VPS13A: variants seen among roughly 807,000 people sequenced by gnomAD.
The protein encoded by VPS13A is vacuolar protein sorting 13 homolog A, also known as intermembrane lipid transfer protein VPS13A.
VPS13A carries 264 observed loss-of-function variants against 390.9 expected under a neutral mutation model. The ratio of observed to expected loss-of-function variants is 0.68; its 90% confidence interval spans 0.61 to 0.75. The LOEUF is 0.75. VPS13A is among the 30% of genes least tolerant of loss of function. VPS13A has a pLI of 0.00. For synonymous variants in VPS13A, 1,231 were observed against 1,227.1 expected (o/e 1.00, Z -0.07); for missense variants, 3,409 against 3,733.9 (o/e 0.91, Z 2.27).
intron 71 of VPS13A, among the ~76,000 whole-genome samples, chr9:77,415,510 T>C (rs1261706557): frequency 6.6e-6 from 1 of 152,222 alleles, no homozygotes; most frequent in Non-Finnish European, 1.5e-5. Context: ...AATTTCAAAT[T>C]ATTTTAGAAT....
intron 68 of VPS13A, among the ~76,000 whole-genome samples, chr9:77,391,189 G>T (rs1377076748): frequency 2.0e-5 from 3 of 152,146 alleles, no homozygotes; most frequent in African/African-American, 7.2e-5. Flanking sequence ...GCTCTACCTA[G>T]TAACTTTCCC....
At chr9:77,212,633 A>G (rs894385312) in intron 7 of VPS13A, among the ~76,000 whole-genome samples, 3 of 152,094 alleles carry the variant, frequency 2.0e-5, no homozygotes, top group African/African-American at 4.8e-5. Flanking sequence ...ACTGCACCCA[A>G]TGATACCTGC....
At chr9:77,329,014 CACTT>C (rs1158179932) in intron 45 of VPS13A, among the ~76,000 whole-genome samples, 2 of 152,182 alleles carry the variant, frequency 1.3e-5, no homozygotes, top group Non-Finnish European at 2.9e-5. Flanking sequence ...AACTACCACA[CACTT>C]ACAAGACCAT....
At chr9:77,282,636 A>AT (rs1827107139) in intron 29 of VPS13A, among the ~76,000 whole-genome samples, 1 of 152,162 alleles carries the variant, frequency 6.6e-6, no homozygotes, top group African/African-American at 2.4e-5. Flanking sequence ...GACTAACAAA[A>AT]TTTGAGTATT....
intron 34 of VPS13A, among the ~76,000 whole-genome samples, chr9:77,306,585 T>C (rs1308195586): frequency 1.3e-5 from 2 of 152,040 alleles, no homozygotes; most frequent in African/African-American, 4.8e-5. Flanking sequence ...GGAGCTCGAG[T>C]CTGAAGGCAG....
At position 77,177,791 on chromosome 9, in the gene VPS13A, G is replaced by A. The variant is rs1313756329; in HGVS notation, c.87G>A (p.Leu29=). The change falls in exon 1 of 72, where the codon CTG becomes CTA. Residue 29 remains leucine (L), a synonymous_variant. Coordinates refer to ENST00000360280, the MANE Select transcript of VPS13A (RefSeq NM_033305.3). ...ACTTGGACACGTCCCAGCTCTCTCT[G>A]GGCATCTGGAAAGGTAAGGAGGCCG... ...VVDLDTSQLS[L]GIWKGAVALK... 6.2e-7 allele frequency: 1 copy of A among 1,613,152 alleles called. No individual in the cohort carries two copies. The highest frequency in any genetic ancestry group is 1.7e-5 in the Admixed American group (1 of 59,962).
chr9:77,376,319 A>T (rs1269859248), intron 67 of VPS13A, among the ~76,000 whole-genome samples: 2 of 152,186 alleles, frequency 1.3e-5, no homozygotes, highest in East Asian at 3.9e-4. Flanking sequence ...GCTTTTGCTT[A>T]AGATGAGAGG....
At chr9:77,294,580 CT>C (rs922186769) in intron 32 of VPS13A, among the ~76,000 whole-genome samples, 6 of 152,180 alleles carry the variant, frequency 3.9e-5, no homozygotes, top group Admixed American at 3.3e-4. Flanking sequence ...GTGGAGCCCT[CT>C]TTTGTTATTT....
chr9:77,392,151 A>G (rs1367310363), intron 68 of VPS13A, among the ~76,000 whole-genome samples: 1 of 152,220 alleles, frequency 6.6e-6, no homozygotes, highest in Non-Finnish European at 1.5e-5. Context: ...AATCAGAGAC[A>G]CCTAAAATAT....
intron 37 of VPS13A, 43 bp downstream of exon 37, chr9:77,314,707 G>C (rs761031197): frequency 1.3e-6 from 2 of 1,579,580 alleles, no homozygotes; most frequent in Non-Finnish European, 1.7e-6. Context: ...TTGAGAAATC[G>C]TTGATATATT....
At chr9:77,216,006 T>C (rs1307538774) in intron 10 of VPS13A, among the ~76,000 whole-genome samples, 2 of 152,172 alleles carry the variant, frequency 1.3e-5, no homozygotes, top group Non-Finnish European at 2.9e-5. Context: ...AACCAGACAC[T>C]GCAGAAGCTA....
chr9:77,322,954 T>G, intron 44 of VPS13A, 113 bp from the exon 45 acceptor site: 1 of 832,882 alleles, frequency 1.2e-6, no homozygotes, highest in East Asian at 2.7e-5. Context: ...AAGACTCTAG[T>G]GACTATTATT....
At chr9:77,409,144 C>A (rs995873755) in intron 71 of VPS13A, among the ~76,000 whole-genome samples, 2 of 152,256 alleles carry the variant, frequency 1.3e-5, no homozygotes. Flanking sequence ...TCACCAATAT[C>A]TGCTGTTCTG....
intron 33 of VPS13A, among the ~76,000 whole-genome samples, chr9:77,296,065 T>C (rs1262876975): frequency 6.6e-6 from 1 of 152,220 alleles, no homozygotes; most frequent in African/African-American, 2.4e-5. Flanking sequence ...CTTAGGTAAT[T>C]AGGAAAACTA....
chr9:77,382,359 CA>C, intron 68 of VPS13A: 1 of 1,518,418 alleles, frequency 6.6e-7, no homozygotes, highest in Non-Finnish European at 8.8e-7. Flanking sequence ...TTAAAATTTA[CA>C]AACTACGTAC....
intron 34 of VPS13A, among the ~76,000 whole-genome samples, chr9:77,306,842 TAAG>T (rs1828779330): frequency 1.3e-5 from 2 of 152,062 alleles, no homozygotes; most frequent in African/African-American, 2.4e-5. Flanking sequence ...TCACAGCTAT[TAAG>T]GCAGGTCTTA....
intron 50 of VPS13A, among the ~76,000 whole-genome samples, chr9:77,342,800 G>A (rs1219527756): frequency 2.0e-5 from 3 of 152,138 alleles, no homozygotes; most frequent in Non-Finnish European, 4.4e-5. Flanking sequence ...ACCTGTGTAA[G>A]CAGGAGGCTA....
intron 71 of VPS13A, among the ~76,000 whole-genome samples, chr9:77,410,013 A>AT (rs1305065894): frequency 6.6e-6 from 1 of 151,800 alleles, no homozygotes; most frequent in African/African-American, 2.4e-5. Flanking sequence ...CAAAGTTGGA[A>AT]TGAAGGAAAA....
intron 68 of VPS13A, among the ~76,000 whole-genome samples, chr9:77,400,667 A>C (rs1834344633): frequency 6.6e-6 from 1 of 151,756 alleles, no homozygotes; most frequent in Non-Finnish European, 1.5e-5. Flanking sequence ...TACTAAAAAT[A>C]CAAAAAAAAA....
Sources: gnomAD v4.1 joint callset for allele counts (sites outside exome capture counted in the v4.1 genomes callset) on GRCh38, gnomAD v4.1.1 for gene constraint, MANE v1.5 for transcripts, NCBI Gene and HGNC (gene_info 2026-07-23, HGNC 2026-07-21) for gene names.